Variants in UHRF2 observed in about 807,000 individuals in gnomAD.
UHRF2 encodes ubiquitin like with PHD and ring finger domains 2, also known as E3 ubiquitin-protein ligase UHRF2.
In UHRF2, 23 loss-of-function variants were observed where a neutral mutation model predicts 96.8. The observed-to-expected ratio is 0.24, with a 90% CI of 0.17 to 0.34. UHRF2 has a LOEUF of 0.34. Ranked by LOEUF, UHRF2 falls within the 10% of genes least tolerant of loss-of-function variation. The pLI is 1.00. For missense variants in UHRF2, 685 were observed against 981.5 expected (o/e 0.70, Z 4.04); for synonymous variants, 385 against 332.6 (o/e 1.16, Z -1.72).
intron 4 of UHRF2, 61 bp downstream of exon 4, chr9:6,460,852 G>A: frequency 7.0e-7 from 1 of 1,431,196 alleles, no homozygotes. Flanking sequence ...TGTATTTTTA[G>A]GTATTAAGCA....
chr9:6,497,931 T>A, intron 11 of UHRF2, 87 bp from the exon 12 acceptor site: 6 of 1,511,768 alleles, frequency 4.0e-6, no homozygotes, highest in Non-Finnish European at 5.4e-6. Flanking sequence ...TGCATTTAGT[T>A]CTGGCAAAGA....
At chr9:6,497,453 A>G in intron 11 of UHRF2, 93 bp downstream of exon 11, 2 of 1,379,140 alleles carry the variant, frequency 1.5e-6, no homozygotes, top group Admixed American at 2.1e-5. Context: ...GGCTCGAGGA[A>G]ACAGTAGCCA....
intron 8 of UHRF2, among the ~76,000 whole-genome samples, chr9:6,483,558 T>C (rs1034767560): frequency 5.9e-5 from 9 of 152,190 alleles, no homozygotes; most frequent in African/African-American, 2.2e-4. Context: ...CCAAATATTT[T>C]TTACTCTCTC....
At chr9:6,445,468 C>T (rs1269726920) in intron 3 of UHRF2, among the ~76,000 whole-genome samples, 1 of 152,164 alleles carries the variant, frequency 6.6e-6, no homozygotes, top group Admixed American at 6.5e-5. Context: ...ACCATGTTGG[C>T]CAGGCTGGTC....
chr9:6,466,658 A>G lies in UHRF2; in HGVS notation c.863+5867A>G, dbSNP rs577350137. 3.3e-5 allele frequency among the ~76,000 whole-genome samples: 5 copies of G among 151,492 alleles called. No homozygotes were observed. In the South Asian group the frequency reaches 1.0e-3, roughly 32 times the overall value. On this transcript the variant is annotated intron_variant, in intron 4 of 15. Transcript: ENST00000276893. ...TTTTTCATACTTAAGAAATTTCTATAGTGATATACTTCTTATTGAACATGG... is the reference window on the plus strand; with the variant it reads ...TTTTTCATACTTAAGAAATTTCTATGGTGATATACTTCTTATTGAACATGG...
intron 7 of UHRF2, 47 bp from the exon 8 acceptor site, chr9:6,481,945 A>G: frequency 6.3e-7 from 1 of 1,595,972 alleles, no homozygotes; most frequent in Non-Finnish European, 8.6e-7. Flanking sequence ...GGCTTTCATT[A>G]AAATTTAACA....
intron 4 of UHRF2, among the ~76,000 whole-genome samples, chr9:6,462,953 T>TA (rs1459137244): frequency 1.3e-5 from 2 of 150,708 alleles, no homozygotes; most frequent in African/African-American, 4.9e-5. Context: ...GAGGTATAGT[T>TA]AAGAGTGGGA....
chr9:6,505,468 G>C (rs1479280727), intron 15 of UHRF2, among the ~76,000 whole-genome samples: 1 of 151,986 alleles, frequency 6.6e-6, no homozygotes, highest in African/African-American at 2.4e-5. Flanking sequence ...GCTAATTTTT[G>C]TATTTTTTAG....
At chr9:6,437,241 T>TA (rs1361227563) in intron 3 of UHRF2, among the ~76,000 whole-genome samples, 1 of 152,218 alleles carries the variant, frequency 6.6e-6, no homozygotes, top group Non-Finnish European at 1.5e-5. Context: ...ATTTTATTAT[T>TA]ATTATTTTTT....
Position 6,504,643 on chromosome 9 carries a change from G to A in UHRF2, c.2214G>A (p.Glu738=). 2 of 1,613,886 alleles carry A rather than the reference G, an allele frequency of 1.2e-6. No individual in the cohort carries two copies. Among genetic ancestry groups the A allele is most frequent in the Non-Finnish European group, 1.7e-6 (2 of 1,179,882 alleles). The change falls in exon 15 of 16, where the codon GAG becomes GAA. Residue 738 remains glutamate (E), a synonymous_variant. Coordinates refer to ENST00000276893, the MANE Select transcript of UHRF2 (RefSeq NM_152896.3). The part of the protein sequence containing the change: ...EQSFMCVCCQ[E]LVYQPVTTEC... ...CTTTTATGTGCGTTTGCTGTCAGGA[G>A]CTAGTTTACCAGCCTGTGACAACTG...
intron 1 of UHRF2, among the ~76,000 whole-genome samples, chr9:6,416,514 T>C (rs1029983753): frequency 3.3e-5 from 5 of 151,676 alleles, no homozygotes; most frequent in Admixed American, 6.6e-5. Context: ...AGGAAGAGAT[T>C]ATGTTGGTGG....
chr9:6,458,914 G>T (rs1822351008), intron 3 of UHRF2, among the ~76,000 whole-genome samples: 1 of 152,208 alleles, frequency 6.6e-6, no homozygotes, highest in African/African-American at 2.4e-5. Context: ...CCTGTCCTTT[G>T]CAGGGACATA....
intron 3 of UHRF2, among the ~76,000 whole-genome samples, chr9:6,456,058 ATACT>A (rs1563770520): frequency 1.3e-5 from 2 of 152,224 alleles, no homozygotes; most frequent in Non-Finnish European, 2.9e-5. Context: ...TAGGTTTGTA[ATACT>A]TACTATTAGG....
intron 4 of UHRF2, 136 bp from the exon 5 acceptor site, chr9:6,475,255 G>T: frequency 2.2e-6 from 1 of 452,724 alleles, no homozygotes. Flanking sequence ...CAATAGTTCA[G>T]AATGATTGGA....
chr9:6,479,218 A>G (rs1295353692), intron 6 of UHRF2, among the ~76,000 whole-genome samples: 1 of 152,058 alleles, frequency 6.6e-6, no homozygotes. Flanking sequence ...TTCCTCTCCT[A>G]TTCATACTTC....
chr9:6,497,831 G>A (rs1825062611), intron 11 of UHRF2, among the ~76,000 whole-genome samples, 187 bp from the exon 12 acceptor site: 2 of 152,086 alleles, frequency 1.3e-5, no homozygotes, highest in Non-Finnish European at 2.9e-5. Flanking sequence ...TGTCCTCATG[G>A]GAAGTACTGT....
chr9:6,443,511 T>C (rs918162600), intron 3 of UHRF2, among the ~76,000 whole-genome samples: 1 of 152,222 alleles, frequency 6.6e-6, no homozygotes, highest in Non-Finnish European at 1.5e-5. Flanking sequence ...TAAAAAACTA[T>C]TGTAAAACAC....
At chr9:6,448,337 A>G (rs993885693) in intron 3 of UHRF2, among the ~76,000 whole-genome samples, 11 of 152,254 alleles carry the variant, frequency 7.2e-5, no homozygotes, top group African/African-American at 2.4e-4. Context: ...TTCATTACTT[A>G]TCTGTGAATA....
chr9:6,453,236 T>A (rs930713826), intron 3 of UHRF2, among the ~76,000 whole-genome samples: 5 of 152,208 alleles, frequency 3.3e-5, no homozygotes, highest in African/African-American at 1.2e-4. Context: ...TATACAATTT[T>A]AAAACTTTGT....
Sources: allele counts gnomAD v4.1 joint callset (sites outside exome capture counted in the v4.1 genomes callset), GRCh38; gene constraint gnomAD v4.1.1; transcripts MANE v1.5; gene names NCBI Gene and HGNC (gene_info 2026-07-23, HGNC 2026-07-21).